Variants in CMPK1 observed in about 807,000 individuals in gnomAD.
The protein encoded by CMPK1 is cytidine/uridine monophosphate kinase 1.
A neutral mutation model predicts 25.7 loss-of-function variants in CMPK1; 10 were observed. The observed-to-expected ratio is 0.39, with a 90% CI of 0.24 to 0.66. The LOEUF (loss-of-function observed/expected upper bound fraction) is 0.66. Among genes scored for constraint, CMPK1 ranks in the 30% least tolerant of loss-of-function variants. The probability of loss-of-function intolerance (pLI) is 0.48; values close to 1 mark genes in which losing one functional copy is unlikely to be tolerated. For missense variants in CMPK1, 199 were observed against 280.5 expected (o/e 0.71, Z 2.08); for synonymous variants, 106 against 101.5 (o/e 1.04, Z -0.27).
At chr1:47,357,459 C>T (rs936912546) in intron 1 of CMPK1, among the ~76,000 whole-genome samples, 3 of 149,514 alleles carry the variant, frequency 2.0e-5, no homozygotes, top group Admixed American at 6.7e-5. Flanking sequence ...TCTGTGATAA[C>T]GTGATAATGG....
At chr1:47,336,485 T>A (rs546881539) in intron 1 of CMPK1, among the ~76,000 whole-genome samples, 1 of 152,320 alleles carries the variant, frequency 6.6e-6, no homozygotes, top group African/African-American at 2.4e-5. Context: ...TTAAACTTCC[T>A]GATCTTATTA....
chr1:47,367,345 C>G (rs977370411), intron 1 of CMPK1, among the ~76,000 whole-genome samples: 9 of 152,166 alleles, frequency 5.9e-5, no homozygotes, highest in Non-Finnish European at 2.9e-5. Context: ...TAAGCAAGAA[C>G]AAATTTAACC....
Position 47,376,798 on chromosome 1 carries a change from T to A in CMPK1, c.*53T>A. On this transcript the variant is annotated 3_prime_UTR_variant, in exon 6 of 6. Coordinates refer to ENST00000371873, the MANE Select transcript of CMPK1 (RefSeq NM_016308.3). ...CATGCTTGAATATTGCTTTGATAGC[T>A]GCTATCATGACCCCTTTTTAAGGCA... is the stretch of plus-strand genomic sequence containing the variant. The A allele has an allele frequency of 1.9e-6, 2 of 1,032,510 alleles. No homozygotes were observed. The highest frequency in any genetic ancestry group is 3.0e-6 in the Non-Finnish European group (2 of 667,062). The allele number at this position is 1,032,510 out of a possible 1,614,324, so 64.0% of individuals were successfully genotyped here. A position where few individuals can be genotyped will look rare whatever the true frequency, so the allele number is the denominator to read the frequency against.
rs143332094 is a variant in CMPK1, at chr1:47,353,914, A to G, written c.172-14555A>G. 9.2e-3 allele frequency among the ~76,000 whole-genome samples: 1,400 copies of G among 152,198 alleles called. 11 individuals are homozygous for G. The highest frequency in any genetic ancestry group is 0.014 in the Non-Finnish European group (963 of 68,012). On this transcript the variant is annotated intron_variant, in intron 1 of 5. Coordinates refer to ENST00000371873, the MANE Select transcript of CMPK1 (RefSeq NM_016308.3). The stretch of plus-strand genomic sequence containing the variant: ...GTATTTTTAGTAGAGATGGCGTTTC[A>G]CCATGTTGTCCAGGCTGGGCTCGAA...
rs551402717 is a variant in CMPK1, at chr1:47,356,517, G to A, written c.172-11952G>A. Among the ~76,000 whole-genome samples the A allele has an allele frequency of 9.9e-5, 15 of 152,274 alleles. No homozygotes were observed. In the East Asian group the frequency reaches 2.5e-3, roughly 25 times the overall value. On this transcript the variant is annotated intron_variant, in intron 1 of 5. Transcript: ENST00000371873. ...TTTACTCTTTCTGATAAGTTTGAGA[G>A]TCAACTTACCAAGTTTCATTTAAAA...
chr1:47,364,065 C>T (rs1445576154), intron 1 of CMPK1, among the ~76,000 whole-genome samples: 2 of 152,122 alleles, frequency 1.3e-5, no homozygotes, highest in Non-Finnish European at 2.9e-5. Context: ...GACCTCCCCC[C>T]ATAGTACCTG....
At position 47,368,744 on chromosome 1, in the gene CMPK1, G is replaced by A. The variant is rs145286143; in HGVS notation, c.318+129G>A. The A allele has an allele frequency of 9.9e-5, 84 of 847,858 alleles. No homozygotes were observed. In the African/African-American group the frequency reaches 1.3e-3, roughly 13 times the overall value. The allele number at this position is 847,858 out of a possible 1,614,324, so 52.5% of individuals were successfully genotyped here. A position where few individuals can be genotyped will look rare whatever the true frequency, so the allele number is the denominator to read the frequency against. The stretch of plus-strand genomic sequence containing the variant: ...GGAAGCCAAAGCAAGAGGATCACTT[G>A]AGGCCAGGAATTCAAGACCAGCCTG... On this transcript the variant is annotated intron_variant, in intron 2 of 5. Coordinates refer to ENST00000371873, the MANE Select transcript of CMPK1 (RefSeq NM_016308.3).
intron 2 of CMPK1, among the ~76,000 whole-genome samples, chr1:47,371,393 T>C (rs1193701651): frequency 6.6e-6 from 1 of 152,230 alleles, no homozygotes; most frequent in Non-Finnish European, 1.5e-5. Context: ...TTTCAACCCT[T>C]TGCAGTCAGA....
chr1:47,347,927 G>A lies in CMPK1; in HGVS notation c.171+13811G>A, dbSNP rs568032273. On this transcript the variant is annotated intron_variant, in intron 1 of 5. Transcript: ENST00000371873. ...ATTACAGGTGTGAGCCATCGTGCCC[G>A]GTCCATGATCTTAAGTTGAAAATTA... 5.3e-5 allele frequency among the ~76,000 whole-genome samples: 8 copies of A among 152,210 alleles called. No individual in the cohort carries two copies. The South Asian group carries it at 1.0e-3, about 20-fold the overall frequency.
intron 1 of CMPK1, among the ~76,000 whole-genome samples, chr1:47,355,139 T>C (rs182104472): frequency 3.9e-4 from 60 of 152,084 alleles, no homozygotes; most frequent in Admixed American, 1.5e-3. Flanking sequence ...CTCTGCCTGC[T>C]GGGTTCAAGC....
intron 1 of CMPK1, among the ~76,000 whole-genome samples, chr1:47,335,432 T>C (rs950209646): frequency 6.6e-6 from 1 of 151,770 alleles, no homozygotes; most frequent in Non-Finnish European, 1.5e-5. Flanking sequence ...AGGTCAGGAG[T>C]TCGAGACCAG....
chr1:47,363,321 A>G (rs1319316200), intron 1 of CMPK1, among the ~76,000 whole-genome samples: 1 of 152,190 alleles, frequency 6.6e-6, no homozygotes, highest in African/African-American at 2.4e-5. Context: ...TGTAACTGGT[A>G]AAAGTACTAT....
At chr1:47,358,530 C>A in intron 1 of CMPK1, 1 of 1,003,156 alleles carries the variant, frequency 1.0e-6, no homozygotes, top group Non-Finnish European at 1.2e-6. Flanking sequence ...TGGTAGCATA[C>A]ATATTATTTC....
chr1:47,340,580 G>T (rs1055540139), intron 1 of CMPK1, among the ~76,000 whole-genome samples: 2 of 152,060 alleles, frequency 1.3e-5, no homozygotes, highest in Non-Finnish European at 2.9e-5. Flanking sequence ...AACTAGATAG[G>T]AAAATCCACT....
intron 1 of CMPK1, chr1:47,358,712 GTTCT>G: frequency 1.0e-6 from 1 of 985,280 alleles, no homozygotes; most frequent in South Asian, 4.7e-5. Flanking sequence ...TCTTTGCTGA[GTTCT>G]TTGTGTTTCT....
intron 1 of CMPK1, among the ~76,000 whole-genome samples, chr1:47,350,198 C>G (rs567535311): frequency 6.6e-6 from 1 of 152,120 alleles, no homozygotes; most frequent in Admixed American, 6.5e-5. Flanking sequence ...CTCAGCCTCC[C>G]AAAGTGCTGG....
Position 47,368,631 on chromosome 1 carries a change from G to A in CMPK1, c.318+16G>A. 1.9e-6 allele frequency: 3 copies of A among 1,558,440 alleles called. No homozygotes were observed. The highest frequency in any genetic ancestry group is 2.6e-6 in the Non-Finnish European group (3 of 1,152,966). ...ATTAAAGAGGGTAAGGAGTGTGAAT[G>A]CCAACCAGTTCAAACCAGCGAGGAA... On this transcript the variant is annotated intron_variant, in intron 2 of 5. Coordinates refer to ENST00000371873, the MANE Select transcript of CMPK1 (RefSeq NM_016308.3).
chr1:47,334,150 C>T (rs1347131496), intron 1 of CMPK1, 34 bp downstream of exon 1: 3 of 1,448,138 alleles, frequency 2.1e-6, no homozygotes, highest in Non-Finnish European at 1.8e-6. Flanking sequence ...CTCCTTGGGG[C>T]TTGACGGGAT....
intron 1 of CMPK1, among the ~76,000 whole-genome samples, chr1:47,343,029 C>G (rs1646453153): frequency 6.7e-6 from 1 of 149,674 alleles, no homozygotes. Context: ...CTCTGTCGCC[C>G]AGGCTAGAGT....
Sources: allele counts gnomAD v4.1 joint callset (sites outside exome capture counted in the v4.1 genomes callset), GRCh38; gene constraint gnomAD v4.1.1; transcripts MANE v1.5; gene names NCBI Gene and HGNC (gene_info 2026-07-23, HGNC 2026-07-21).